NMNAT2: variants seen among roughly 807,000 people sequenced by gnomAD.
NMNAT2 encodes the protein nicotinamide nucleotide adenylyltransferase 2.
A neutral mutation model predicts 41.6 loss-of-function variants in NMNAT2; 11 were observed. The observed-to-expected ratio is 0.26, with a 90% CI of 0.17 to 0.44. NMNAT2 has a LOEUF of 0.44. Ranked by LOEUF, NMNAT2 falls within the 20% of genes least tolerant of loss-of-function variation. The pLI, the probability that NMNAT2 is intolerant of heterozygous loss-of-function variation, is 1.00. For missense variants in NMNAT2, 288 were observed against 407.7 expected, an observed-to-expected ratio of 0.71 and a Z score of 2.53; for synonymous variants, 148 against 151.2, an observed-to-expected ratio of 0.98 and a Z score of 0.16.
intron 6 of NMNAT2, among the ~76,000 whole-genome samples, chr1:183,284,325 G>T (rs1037351885): frequency 6.6e-6 from 1 of 152,214 alleles, no homozygotes; most frequent in African/African-American, 2.4e-5. Flanking sequence ...CATGCTGAGC[G>T]CCTTCTGTTT....
intron 1 of NMNAT2, among the ~76,000 whole-genome samples, chr1:183,327,807 T>G (rs1557879413): frequency 6.6e-6 from 1 of 152,156 alleles, no homozygotes; most frequent in East Asian, 1.9e-4. Context: ...CTGCTGTTTT[T>G]TGTGTGTGTA....
intron 1 of NMNAT2, among the ~76,000 whole-genome samples, chr1:183,306,136 T>C (rs2102320690): frequency 6.6e-6 from 1 of 151,130 alleles, no homozygotes; most frequent in African/African-American, 2.4e-5. Flanking sequence ...GCAGGGGACT[T>C]TCTTGGTTTT....
chr1:183,255,698 C>G lies in NMNAT2; in HGVS notation c.822-2955G>C, dbSNP rs569163321. The stretch of plus-strand genomic sequence containing the variant: ...TTTTTTTTTCAGACAGAGTCTCACT[C>G]TGTCACCCAGGCAGGCATGCAATGG... On this transcript the variant is annotated intron_variant, in intron 10 of 10. Transcript: ENST00000287713. Among the ~76,000 whole-genome samples, 4 of 133,280 alleles carry G rather than the reference C, an allele frequency of 3.0e-5. 1 individual carries two copies. In the South Asian group the frequency reaches 1.0e-3, roughly 33 times the overall value. 87.4% of individuals were successfully genotyped at this position (133,280 alleles called of 152,430 possible).
intron 8 of NMNAT2, among the ~76,000 whole-genome samples, chr1:183,262,919 C>T (rs1660700307): frequency 6.6e-6 from 1 of 152,132 alleles, no homozygotes. Context: ...GGCAAGGAAC[C>T]CAGGTTTTTT....
At chr1:183,406,213 G>C (rs1349183338) in intron 1 of NMNAT2, among the ~76,000 whole-genome samples, 1 of 152,192 alleles carries the variant, frequency 6.6e-6, no homozygotes, top group African/African-American at 2.4e-5. Flanking sequence ...TGTAGACAAT[G>C]AAGGTATGTT....
At chr1:183,257,058 G>A (rs1660532831) in intron 10 of NMNAT2, among the ~76,000 whole-genome samples, 1 of 151,996 alleles carries the variant, frequency 6.6e-6, no homozygotes, top group Non-Finnish European at 1.5e-5. Context: ...GGCCTCTTTG[G>A]TGTCTTTATC....
intron 1 of NMNAT2, among the ~76,000 whole-genome samples, chr1:183,363,999 T>A (rs1481394883): frequency 6.6e-6 from 1 of 152,266 alleles, no homozygotes; most frequent in African/African-American, 2.4e-5. Context: ...AACAACCTCC[T>A]TCATCCTGCT....
chr1:183,413,063 G>A (rs763847061), intron 1 of NMNAT2, among the ~76,000 whole-genome samples: 4 of 152,192 alleles, frequency 2.6e-5, no homozygotes, highest in Non-Finnish European at 4.4e-5. Flanking sequence ...TAATGCTAAA[G>A]AGAATTATGC....
intron 10 of NMNAT2, 60 bp from the exon 11 acceptor site, chr1:183,252,803 T>C: frequency 1.6e-6 from 2 of 1,243,360 alleles, no homozygotes; most frequent in Non-Finnish European, 2.4e-6. Flanking sequence ...TCAGGAGGAC[T>C]GGCATGCCCC....
At chr1:183,404,655 C>A (rs1049113358) in intron 1 of NMNAT2, among the ~76,000 whole-genome samples, 4 of 152,066 alleles carry the variant, frequency 2.6e-5, no homozygotes, top group South Asian at 2.1e-4. Flanking sequence ...TGGAGGGAAG[C>A]CTTGGAGGCC....
chr1:183,332,472 G>A (rs2102339495), intron 1 of NMNAT2, among the ~76,000 whole-genome samples: 1 of 152,306 alleles, frequency 6.6e-6, no homozygotes, highest in South Asian at 2.1e-4. Flanking sequence ...GAATAAATTA[G>A]AGTACTCAGT....
At position 183,271,797 on chromosome 1, in the gene NMNAT2, G is replaced by A. The variant is rs528592682; in HGVS notation, c.651+6756C>T. ...GATGGTGTTTCACTCTTGTCACCCA[G>A]GTTGGAGTGCAGTGGCGCTCTCTCG... On this transcript the variant is annotated intron_variant, in intron 8 of 10. Coordinates refer to ENST00000287713, the MANE Select transcript of NMNAT2 (RefSeq NM_015039.4). 1.1e-4 allele frequency among the ~76,000 whole-genome samples: 17 copies of A among 152,078 alleles called. No individual in the cohort carries two copies. The East Asian group carries it at 2.1e-3, about 19-fold the overall frequency.
In NMNAT2 at chr1:183,409,242, A is replaced by G. The variant is rs149839467; in HGVS notation, c.85+8941T>C. ...TTTAAATAAAGCATCAGAAAACCCA[A>G]CCCCTTACCATAGTGTCACTTTATT... On this transcript the variant is annotated intron_variant, in intron 1 of 10. Coordinates refer to ENST00000287713, the MANE Select transcript of NMNAT2 (RefSeq NM_015039.4). Among the ~76,000 whole-genome samples, 8 of 152,174 alleles carry G rather than the reference A, an allele frequency of 5.3e-5. No individual in the cohort carries two copies. The East Asian group carries it at 1.2e-3, about 22-fold the overall frequency.
At chr1:183,358,318 C>A (rs1387772681) in intron 1 of NMNAT2, among the ~76,000 whole-genome samples, 1 of 152,104 alleles carries the variant, frequency 6.6e-6, no homozygotes, top group Admixed American at 6.6e-5. Flanking sequence ...AACTAATGGG[C>A]TTAATATCTG....
At chr1:183,284,643 TGAAG>T in intron 6 of NMNAT2, 63 bp downstream of exon 6, 1 of 1,335,556 alleles carries the variant, frequency 7.5e-7, no homozygotes, top group Non-Finnish European at 1.1e-6. Flanking sequence ...GGATCTTTGC[TGAAG>T]GAATGAAGGG....
Position 183,311,047 on chromosome 1 carries a change from A to G in NMNAT2, c.86-17254T>C, listed in dbSNP as rs374223098. Among the ~76,000 whole-genome samples, 45 of 152,286 alleles carry G rather than the reference A, an allele frequency of 3.0e-4. No homozygotes were observed. In the South Asian group the frequency reaches 8.3e-3, roughly 28 times the overall value. On this transcript the variant is annotated intron_variant, in intron 1 of 10. Coordinates refer to ENST00000287713, the MANE Select transcript of NMNAT2 (RefSeq NM_015039.4). ...TCCCGCTCACCCTGTGAGGCTGCTT[A>G]TGGAGATTTGCCCCTGCTTGAGTGA...
intron 1 of NMNAT2, among the ~76,000 whole-genome samples, chr1:183,334,362 C>T (rs771633363): frequency 1.1e-4 from 16 of 151,492 alleles, no homozygotes; most frequent in Non-Finnish European, 1.6e-4. Context: ...CCACCATACC[C>T]GGCCCTGTTG....
chr1:183,352,562 C>CAAA (rs55706245), intron 1 of NMNAT2, among the ~76,000 whole-genome samples: 26 of 79,148 alleles, frequency 3.3e-4, no homozygotes, highest in Non-Finnish European at 4.3e-4. Flanking sequence ...CAGTCTGTCT[C>CAAA]AAAAAAAAAA....
chr1:183,284,902 G>GGCAGGAGTGGGGA, intron 5 of NMNAT2, 112 bp from the exon 6 acceptor site: 2 of 809,008 alleles, frequency 2.5e-6, no homozygotes, highest in Non-Finnish European at 4.4e-6. Context: ...GCATGGACGG[G>GGCAGGAGTGGGGA]GCAGGAGTGG....
Sources: allele counts gnomAD v4.1 joint callset (sites outside exome capture counted in the v4.1 genomes callset), GRCh38; gene constraint gnomAD v4.1.1; transcripts MANE v1.5; gene names NCBI Gene and HGNC (gene_info 2026-07-23, HGNC 2026-07-21).